The following CALM2 variants were observed in gnomAD, a reference collection of about 807,000 sequenced individuals.
CALM2 encodes the protein calmodulin 2, also known as calmodulin-2.
In CALM2, 2 loss-of-function variants were observed where a neutral mutation model predicts 19.8. That is an observed-to-expected ratio of 0.10 (90% confidence interval 0.04 to 0.32). CALM2 has a LOEUF of 0.32. CALM2 is among the 10% of genes least tolerant of loss of function. The pLI is 1.00. For missense variants in CALM2, 38 were observed against 178.7 expected (o/e 0.21, Z 4.49); for synonymous variants, 51 against 52.1 (o/e 0.98, Z 0.09).
upstream of CALM2, chr2:47,176,534 C>CG: frequency 1.9e-6 from 3 of 1,581,086 alleles, no homozygotes; most frequent in Non-Finnish European, 2.6e-6. Flanking sequence ...CCGCCCCCAG[C>CG]GCCTCATAAA....
At chr2:47,175,079 G>GTGTTTTTT (rs1666803521) in intron 1 of CALM2, among the ~76,000 whole-genome samples, 1 of 11,054 alleles carries the variant, frequency 9.0e-5, no homozygotes, top group Admixed American at 1.1e-3. Flanking sequence ...CCCTCATTAG[G>GTGTTTTTT]TGTTTTTTTT....
Position 47,162,682 on chromosome 2 carries a change from C to A in CALM2, c.35-20G>T. 1 of 1,563,770 alleles carries A rather than the reference C, an allele frequency of 6.4e-7. No homozygotes were observed. Among genetic ancestry groups the A allele is most frequent in the South Asian group, 1.2e-5 (1 of 85,206 alleles). On this transcript the variant is annotated intron_variant, in intron 2 of 5. Coordinates refer to ENST00000272298, the MANE Select transcript of CALM2 (RefSeq NM_001743.6). ...TGAATTCTGTTTGAAAGAAAGACCA[C>A]AATCCAAATACACAGATTAATAATA...
chr2:47,162,699 T>C (rs759544419), intron 2 of CALM2, 37 bp from the exon 3 acceptor site: 1 of 1,512,324 alleles, frequency 6.6e-7, no homozygotes. Flanking sequence ...AATACACAGA[T>C]TAATAATAAA....
chr2:47,169,847 T>C (rs962791531), intron 2 of CALM2, among the ~76,000 whole-genome samples: 1 of 151,964 alleles, frequency 6.6e-6, no homozygotes, highest in Non-Finnish European at 1.5e-5. Flanking sequence ...TGAGCTCTTA[T>C]CAAACCCTTC....
At chr2:47,172,927 G>C (rs1446056071) in intron 1 of CALM2, 5 of 152,236 alleles carry the variant, frequency 3.3e-5, no homozygotes, top group African/African-American at 9.7e-5. Flanking sequence ...ATTTTGCTTG[G>C]AAAGTCAAAA....
intron 1 of CALM2, 26 bp downstream of exon 1, chr2:47,176,415 C>G (rs1666871325): frequency 1.9e-6 from 3 of 1,612,216 alleles, no homozygotes; most frequent in South Asian, 1.1e-5. Context: ...ACAGGCCCAG[C>G]GCCGGCAGCT....
chr2:47,169,456 T>C (rs1026627176), intron 2 of CALM2, among the ~76,000 whole-genome samples: 1 of 151,814 alleles, frequency 6.6e-6, no homozygotes, highest in Non-Finnish European at 1.5e-5. Flanking sequence ...GCCCAGTCTA[T>C]TTTTTTTGAG....
upstream of CALM2, chr2:47,176,548 C>T (rs2103859382): frequency 6.4e-7 from 1 of 1,562,476 alleles, no homozygotes; most frequent in African/African-American, 1.4e-5. Context: ...TCATAAACAC[C>T]TCCCTCCGCC....
intron 5 of CALM2, among the ~76,000 whole-genome samples, chr2:47,161,120 C>T (rs1687140420): frequency 6.6e-6 from 1 of 152,086 alleles, no homozygotes; most frequent in South Asian, 2.1e-4. Flanking sequence ...AAATTCAATG[C>T]TATGGGCTAG....
At chr2:47,167,002 T>C (rs772313349) in intron 2 of CALM2, among the ~76,000 whole-genome samples, 5 of 152,114 alleles carry the variant, frequency 3.3e-5, no homozygotes, top group African/African-American at 4.8e-5. Flanking sequence ...AAACATATAA[T>C]TTTATTAAAA....
At chr2:47,163,315 T>C (rs1250786242) in intron 2 of CALM2, 2 of 152,224 alleles carry the variant, frequency 1.3e-5, no homozygotes, top group Non-Finnish European at 2.9e-5. Context: ...TTTAGCTAAA[T>C]GCATGTCACT....
At chr2:47,168,068 T>C (rs960273197) in intron 2 of CALM2, among the ~76,000 whole-genome samples, 3 of 152,136 alleles carry the variant, frequency 2.0e-5, no homozygotes, top group Admixed American at 6.5e-5. Context: ...AACTTTTTTG[T>C]GTTACACACT....
intron 2 of CALM2, among the ~76,000 whole-genome samples, chr2:47,164,421 G>A (rs12991318): frequency 0.73 from 105,710 of 144,842 alleles, 38,725 homozygotes; most frequent in East Asian, 0.85. Flanking sequence ...GTAGTCCCCC[G>A]TCTCTATTAA....
intron 2 of CALM2, among the ~76,000 whole-genome samples, chr2:47,169,860 GCTTA>G: frequency 6.6e-6 from 1 of 151,756 alleles, no homozygotes; most frequent in Middle Eastern, 3.4e-3. Flanking sequence ...AACCCTTCCT[GCTTA>G]CTGTGAAAAC....
chr2:47,166,034 C>G (rs1177408667), intron 2 of CALM2, among the ~76,000 whole-genome samples: 4 of 152,158 alleles, frequency 2.6e-5, no homozygotes, highest in African/African-American at 9.7e-5. Flanking sequence ...TATAGAGGAA[C>G]TCATCTAATA....
chr2:47,175,840 C>A (rs1666843386), intron 1 of CALM2, among the ~76,000 whole-genome samples: 1 of 147,854 alleles, frequency 6.8e-6, no homozygotes. Flanking sequence ...ACCGGCCGCT[C>A]CCTGCGCCGC....
intron 1 of CALM2, chr2:47,172,424 T>G (rs1666701649): frequency 2.6e-6 from 2 of 759,298 alleles, no homozygotes; most frequent in South Asian, 1.4e-5. Flanking sequence ...CTTGCAGGGT[T>G]GTTGTGCAAA....
At chr2:47,176,827 C>T, upstream of CALM2, 1 of 985,432 alleles carries the variant, frequency 1.0e-6, no homozygotes, top group South Asian at 4.7e-5. Context: ...GTTGAGCCTG[C>T]CTCTGATTGG....
In CALM2 at chr2:47,176,295, C is replaced by T. The variant is rs377172574; in HGVS notation, c.3+146G>A. On this transcript the variant is annotated intron_variant, in intron 1 of 5. Coordinates refer to ENST00000272298, the MANE Select transcript of CALM2 (RefSeq NM_001743.6). ...GGAGCACCTGCGACACAACCGTCGC[C>T]GGCATCCCTGGCCTCTTTCGCGCCA... 1,020 of 943,116 alleles carry T rather than the reference C, an allele frequency of 1.1e-3. 29 individuals carry two copies. In the South Asian group the frequency reaches 0.015, roughly 14 times the overall value. The allele number at this position is 943,116 out of a possible 1,614,324, so 58.4% of individuals were successfully genotyped here.
Sources: allele counts gnomAD v4.1 joint callset (sites outside exome capture counted in the v4.1 genomes callset), GRCh38; gene constraint gnomAD v4.1.1; transcripts MANE v1.5; gene names NCBI Gene and HGNC (gene_info 2026-07-23, HGNC 2026-07-21).